The following LDB2 variants were observed in gnomAD, a reference collection of about 807,000 sequenced individuals.
The protein encoded by LDB2 is LIM domain binding 2.
LDB2 carries 12 observed loss-of-function variants against 44.3 expected under a neutral mutation model. The ratio of observed to expected loss-of-function variants is 0.27; its 90% CI spans 0.17 to 0.44. LDB2 has a LOEUF of 0.44. LDB2 is among the 20% of genes least tolerant of loss of function. The pLI, the probability that LDB2 is intolerant of heterozygous loss-of-function variation, is 1.00. For synonymous variants in LDB2, 164 were observed against 174.8 expected (o/e 0.94, Z 0.49); for missense variants, 344 against 473.5 (o/e 0.73, Z 2.54).
intron 2 of LDB2, among the ~76,000 whole-genome samples, chr4:16,619,204 G>T (rs770663935): frequency 6.6e-6 from 1 of 151,988 alleles, no homozygotes; most frequent in Non-Finnish European, 1.5e-5. Context: ...AAAATTTTTT[G>T]CTGTGATTGA....
At chr4:16,682,182 T>C (rs1452009579) in intron 2 of LDB2, among the ~76,000 whole-genome samples, 1 of 152,148 alleles carries the variant, frequency 6.6e-6, no homozygotes, top group South Asian at 2.1e-4. Context: ...GTTCTCACAC[T>C]GTAATAATTT....
chr4:16,896,686 G>A (rs536649096), intron 1 of LDB2, among the ~76,000 whole-genome samples: 1 of 152,260 alleles, frequency 6.6e-6, no homozygotes, highest in South Asian at 2.1e-4. Context: ...ACTTTTAAAA[G>A]ACTATTTTTT....
intron 2 of LDB2, among the ~76,000 whole-genome samples, chr4:16,621,751 G>C (rs566015090): frequency 2.0e-5 from 3 of 152,006 alleles, no homozygotes; most frequent in African/African-American, 7.2e-5. Context: ...TAGAGACAAG[G>C]TCTTGTTATT....
intron 2 of LDB2, among the ~76,000 whole-genome samples, chr4:16,709,320 T>A (rs1409404339): frequency 6.6e-6 from 1 of 152,172 alleles, no homozygotes; most frequent in East Asian, 1.9e-4. Flanking sequence ...TTCAAAACTA[T>A]TGTGAGTCTG....
chr4:16,710,200 A>C (rs1452014665), intron 2 of LDB2, among the ~76,000 whole-genome samples: 1 of 152,224 alleles, frequency 6.6e-6, no homozygotes, highest in Non-Finnish European at 1.5e-5. Context: ...ATAAAACTCA[A>C]GACACTCCCA....
intron 1 of LDB2, among the ~76,000 whole-genome samples, chr4:16,824,441 T>C (rs1250384371): frequency 6.6e-6 from 1 of 152,202 alleles, no homozygotes; most frequent in Non-Finnish European, 1.5e-5. Context: ...TACAACCCAG[T>C]AAAGCTGTAA....
intron 5 of LDB2, among the ~76,000 whole-genome samples, chr4:16,525,577 C>A (rs1040819526): frequency 2.0e-5 from 3 of 152,154 alleles, no homozygotes; most frequent in African/African-American, 7.2e-5. Context: ...TTCACTAATT[C>A]ATTCATTCAA....
intron 1 of LDB2, among the ~76,000 whole-genome samples, chr4:16,797,665 G>A (rs1483281837): frequency 1.3e-5 from 2 of 152,042 alleles, no homozygotes; most frequent in East Asian, 3.9e-4. Context: ...TTATTAGAGA[G>A]GCTCTGAGCT....
chr4:16,603,373 A>G (rs1212955737), intron 2 of LDB2, among the ~76,000 whole-genome samples: 11 of 152,190 alleles, frequency 7.2e-5, no homozygotes, highest in Non-Finnish European at 1.6e-4. Flanking sequence ...AGAGATGTTA[A>G]TCAGGCACAG....
chr4:16,807,910 G>T (rs1349260092), intron 1 of LDB2, among the ~76,000 whole-genome samples: 1 of 152,102 alleles, frequency 6.6e-6, no homozygotes, highest in East Asian at 1.9e-4. Context: ...TCTTACCAAC[G>T]GGGAATTTTC....
chr4:16,773,738 C>T (rs933284210), intron 1 of LDB2, among the ~76,000 whole-genome samples: 1 of 151,986 alleles, frequency 6.6e-6, no homozygotes, highest in African/African-American at 2.4e-5. Flanking sequence ...TTTCATATTC[C>T]TTTCTTTTTT....
chr4:16,604,786 A>G (rs1161595586), intron 2 of LDB2, among the ~76,000 whole-genome samples: 1 of 152,046 alleles, frequency 6.6e-6, no homozygotes, highest in Non-Finnish European at 1.5e-5. Context: ...CAATAAAGCA[A>G]TTTTCCTTTA....
intron 2 of LDB2, among the ~76,000 whole-genome samples, chr4:16,646,255 G>T (rs1025312535): frequency 1.3e-5 from 2 of 151,898 alleles, no homozygotes; most frequent in Non-Finnish European, 2.9e-5. Context: ...CTCTCTTTCC[G>T]CTTTCTTTTT....
intron 7 of LDB2, chr4:16,506,373 C>T: frequency 6.0e-6 from 1 of 167,502 alleles, no homozygotes; most frequent in Non-Finnish European, 1.3e-5. Context: ...CTCTCATTTC[C>T]TAACGGTGCC....
chr4:16,565,996 A>G (rs934931962), intron 5 of LDB2, among the ~76,000 whole-genome samples: 1 of 151,990 alleles, frequency 6.6e-6, no homozygotes, highest in Non-Finnish European at 1.5e-5. Context: ...ACACACAAGA[A>G]ACTCTCAAAA....
chr4:16,562,468 C>G (rs1053667542), intron 5 of LDB2, among the ~76,000 whole-genome samples: 1 of 152,200 alleles, frequency 6.6e-6, no homozygotes, highest in African/African-American at 2.4e-5. Flanking sequence ...TGAAAAAATG[C>G]TCACCATCAC....
chr4:16,791,237 T>C (rs1006928218), intron 1 of LDB2, among the ~76,000 whole-genome samples: 2 of 151,882 alleles, frequency 1.3e-5, no homozygotes, highest in Admixed American at 1.3e-4. Flanking sequence ...AAATCAGGCT[T>C]ACAAAACCAA....
At chr4:16,796,088 G>A (rs997564726) in intron 1 of LDB2, among the ~76,000 whole-genome samples, 1 of 151,990 alleles carries the variant, frequency 6.6e-6, no homozygotes, top group Non-Finnish European at 1.5e-5. Flanking sequence ...GTCCAGGAGT[G>A]TGAGACCAGT....
chr4:16,616,883 T>G (rs1379517174), intron 2 of LDB2, among the ~76,000 whole-genome samples: 2 of 152,168 alleles, frequency 1.3e-5, no homozygotes, highest in African/African-American at 4.8e-5. Flanking sequence ...TCTCAAATCT[T>G]TGGAAACTCT....
Sources: allele counts gnomAD v4.1 joint callset (sites outside exome capture counted in the v4.1 genomes callset), GRCh38; gene constraint gnomAD v4.1.1; transcripts MANE v1.5; gene names NCBI Gene and HGNC (gene_info 2026-07-23, HGNC 2026-07-21).